The following FAAP20 variants were observed in gnomAD, a reference collection of about 807,000 sequenced individuals.
The protein encoded by FAAP20 is Fanconi anemia core complex-associated protein 20.
A neutral mutation model predicts 16.2 loss-of-function variants in FAAP20; 12 were observed. That is an observed-to-expected ratio of 0.74 (90% CI 0.48 to 1.20). The LOEUF (loss-of-function observed/expected upper bound fraction) is 1.20, where lower values mean the gene tolerates loss of function less well. FAAP20 is among the 50% of genes most tolerant of loss of function. FAAP20 has a pLI of 0.00. For synonymous variants in FAAP20, 141 were observed against 110.7 expected (o/e 1.27, Z -1.72); for missense variants, 288 against 245.8 (o/e 1.17, Z -1.15).
rs1688502563 is a variant in FAAP20 at position 2,193,640 on chromosome 1, T to C, written c.469A>G (p.Arg157Gly). ...CGGGCGCAGGGGTGGCCTACTCACC[T>C]GGGGGCGAACTCCTTCTGGCACATG... ...CPMCQKEFAP[R>G]LTQLDVDSHL... The change falls in exon 3 of 4, where the codon AGG becomes GGG. Residue 157 changes from arginine to glycine, a missense_variant and splice_region_variant. Arg to Gly is a moderately radical substitution (Grantham distance 125, BLOSUM62 -2). Transcript: ENST00000378546. The C allele has an allele frequency of 6.3e-7, 1 of 1,594,826 alleles. No homozygotes were observed. The highest frequency in any genetic ancestry group is 2.2e-5 in the East Asian group (1 of 44,620).
In FAAP20 at chr1:2,193,839, A is replaced by ATT. The variant is rs1301474845; in HGVS notation, c.269_270insAA (p.Phe90LeufsTer70). On this transcript the variant is annotated frameshift_variant, in exon 3 of 4. Transcript: ENST00000378546. LOFTEE classifies it high-confidence loss of function. ...GGCCCGGGCCCCACAGGTCCGGCGG[A>ATT]AAGGGTGTCCAGGAAAAGGTCTTGG... The ATT allele has an allele frequency of 6.2e-7, 1 of 1,611,804 alleles. No individual in the cohort carries two copies. The highest frequency in any genetic ancestry group is 1.3e-5 in the African/African-American group (1 of 74,838).
upstream of FAAP20, chr1:2,198,760 G>T (rs1234905145): frequency 4.9e-5 from 63 of 1,287,632 alleles, no homozygotes; most frequent in Non-Finnish European, 6.1e-5. Flanking sequence ...TCACCTGCTG[G>T]CAAGGACAGC....
At chr1:2,207,062 A>G (rs1027766014) in intron 1 of FAAP20, among the ~76,000 whole-genome samples, 16 of 152,122 alleles carry the variant, frequency 1.1e-4, no homozygotes, top group African/African-American at 3.9e-4. Context: ...GTGAAAAAAC[A>G]TTGATTGGGC....
chr1:2,185,081 T>G, downstream of FAAP20: 2 of 1,387,002 alleles, frequency 1.4e-6, no homozygotes, highest in Non-Finnish European at 2.0e-6. Flanking sequence ...CGCATATGCA[T>G]GCCAGGCTGG....
chr1:2,193,609 C>T (rs761368478), intron 3 of FAAP20, 30 bp downstream of exon 3: 5 of 1,580,882 alleles, frequency 3.2e-6, no homozygotes, highest in Non-Finnish European at 3.4e-6. Flanking sequence ...GGATGGATAA[C>T]CGGGCCGGGC....
At chr1:2,203,723 G>A (rs1689135172), upstream of FAAP20, 1 of 885,860 alleles carries the variant, frequency 1.1e-6, no homozygotes, top group South Asian at 5.2e-5. Context: ...CGGTCCTGGA[G>A]CCTGGCCTCA....
upstream of FAAP20, chr1:2,200,849 G>C: frequency 9.4e-7 from 1 of 1,063,356 alleles, no homozygotes; most frequent in Non-Finnish European, 1.1e-6. Context: ...CTCCAAGTGG[G>C]CCAGGAAACC....
downstream of FAAP20, among the ~76,000 whole-genome samples, chr1:2,188,310 C>G (rs1238395617): frequency 6.6e-6 from 1 of 152,228 alleles, no homozygotes; most frequent in Admixed American, 6.5e-5. Flanking sequence ...ATGCCCACTG[C>G]TGCTGTCCTT....
At position 2,194,699 on chromosome 1, in the gene FAAP20, GCGCGGCCTCC is replaced by G; in HGVS notation, c.41_50del (p.Arg14ProfsTer31). On this transcript the variant is annotated frameshift_variant, in exon 1 of 4. Transcript: ENST00000378546. LOFTEE classifies it high-confidence loss of function. ...GCTCCCGGCCTCACCCGCCCGCCGG[GCGCGGCCTCC>G]GGCGGCTCAACCCCAGCCGCGGCCT... is the stretch of plus-strand genomic sequence containing the variant. 1 of 1,169,368 alleles carries G rather than the reference GCGCGGCCTCC, an allele frequency of 8.6e-7. No homozygotes were observed. The highest frequency in any genetic ancestry group is 1.1e-6 in the Non-Finnish European group (1 of 949,956). The allele number at this position is 1,169,368 out of a possible 1,614,324, so 72.4% of individuals were successfully genotyped here.
At position 2,193,140 on chromosome 1, in the gene FAAP20, A is replaced by G. The variant is rs935777325; in HGVS notation, c.470+499T>C. On this transcript the variant is annotated intron_variant, in intron 3 of 3. Transcript: ENST00000378546. ...AAGGGCCCAGAGGTCGCCAGACACA[A>G]GGCCAGGCACTGGGCAGTTTGGGTT... The G allele has an allele frequency of 7.2e-6, 4 of 555,920 alleles. No individual in the cohort carries two copies. In the African/African-American group the frequency reaches 7.9e-5, roughly 11 times the overall value. 34.4% of individuals were successfully genotyped at this position (555,920 alleles called of 1,614,324 possible). A position where few individuals can be genotyped will look rare whatever the true frequency, so the allele number is the denominator to read the frequency against.
At chr1:2,185,588 G>A, downstream of FAAP20, 1 of 699,680 alleles carries the variant, frequency 1.4e-6, no homozygotes, top group Non-Finnish European at 2.7e-6. Flanking sequence ...CCTGCAGAGT[G>A]TGTCCCAGCC....
upstream of FAAP20, chr1:2,199,367 A>C: frequency 2.0e-6 from 2 of 1,022,554 alleles, no homozygotes; most frequent in Non-Finnish European, 2.3e-6. This position sits in a 1 kb window ranked among gnomAD's most constrained non-coding sequence, Gnocchi z 4.5. Context: ...TCCTGCTCTG[A>C]CGTCCCCCCG....
At chr1:2,196,541 A>G (rs968630253), upstream of FAAP20, among the ~76,000 whole-genome samples, 5 of 122,594 alleles carry the variant, frequency 4.1e-5, no homozygotes, top group Non-Finnish European at 8.0e-5. This position sits in a 1 kb window ranked among gnomAD's most constrained non-coding sequence, Gnocchi z 4.5. Context: ...ACCCCAACTC[A>G]AAAAAAAAAA....
chr1:2,190,608 CGGA>C (rs1557776916), intron 3 of FAAP20: 1 of 354,288 alleles, frequency 2.8e-6, no homozygotes, highest in Non-Finnish European at 5.7e-6. Context: ...CGGAGAGTGC[CGGA>C]GCTGGCGTGC....
intron 3 of FAAP20, chr1:2,192,478 C>CT (rs1435953011): frequency 3.0e-6 from 3 of 997,066 alleles, no homozygotes; most frequent in South Asian, 4.4e-5. Flanking sequence ...CTTCAGAAGT[C>CT]TTTTTTTAGA....
upstream of FAAP20, among the ~76,000 whole-genome samples, chr1:2,196,738 G>A (rs1227947501): frequency 6.6e-6 from 1 of 152,200 alleles, no homozygotes; most frequent in African/African-American, 2.4e-5. The surrounding 1 kb of genome is among the most constrained non-coding windows in gnomAD (Gnocchi z 4.5). Flanking sequence ...TACTTGGGTG[G>A]CTGAGGCACG....
At chr1:2,185,475 G>A, downstream of FAAP20, 1 of 718,440 alleles carries the variant, frequency 1.4e-6, no homozygotes. Flanking sequence ...GGCAGCTTAG[G>A]AGCCAGCGGG....
At chr1:2,207,158 T>C (rs1253040745) in intron 1 of FAAP20, among the ~76,000 whole-genome samples, 1 of 152,200 alleles carries the variant, frequency 6.6e-6, no homozygotes, top group East Asian at 1.9e-4. Context: ...ATGTTTTGCC[T>C]GGCCCAAGGG....
At chr1:2,207,908 C>CTGTG (rs1557795318), downstream of FAAP20, among the ~76,000 whole-genome samples, 11 of 68,684 alleles carry the variant, frequency 1.6e-4, no homozygotes, top group Non-Finnish European at 3.0e-4. Flanking sequence ...TTGGTAACAC[C>CTGTG]CGTGTGTGTG....
Sources: gnomAD v4.1 joint callset for allele counts (sites outside exome capture counted in the v4.1 genomes callset) on GRCh38, gnomAD v4.1.1 for gene constraint, Gnocchi (gnomAD v3.1) non-coding constraint, MANE v1.5 for transcripts, NCBI Gene and HGNC (gene_info 2026-07-23, HGNC 2026-07-21) for gene names.